PWWP2A: variants seen among roughly 807,000 people sequenced by gnomAD.
PWWP2A encodes the protein PWWP domain containing 2A, also known as PWWP domain-containing protein 2A.
PWWP2A carries 18 observed loss-of-function variants against 48.5 expected under a neutral mutation model. The observed-to-expected ratio is 0.37, with a 90% CI of 0.26 to 0.55. PWWP2A has a LOEUF of 0.55. Ranked by LOEUF, PWWP2A falls within the 20% of genes least tolerant of loss-of-function variation. The pLI is 0.81. For synonymous variants in PWWP2A, 396 were observed against 387.7 expected, an observed-to-expected ratio of 1.02 and a Z score of -0.25; for missense variants, 867 against 976.4, an observed-to-expected ratio of 0.89 and a Z score of 1.49.
At chr5:160,107,382 T>TTAATCTTCATTTA (rs1314624924) in intron 1 of PWWP2A, among the ~76,000 whole-genome samples, 2 of 152,188 alleles carry the variant, frequency 1.3e-5, no homozygotes, top group African/African-American at 2.4e-5. Context: ...AATCTCCAAT[T>TTAATCTTCATTTA]ACTTTCTTGC....
At chr5:160,090,080 T>A, downstream of PWWP2A, 4 of 985,292 alleles carry the variant, frequency 4.1e-6, no homozygotes, top group Non-Finnish European at 3.6e-6. Flanking sequence ...AACGAAGGGG[T>A]CATTTGGCAT....
At chr5:160,090,389 T>C (rs1360478559), downstream of PWWP2A, 33 of 983,324 alleles carry the variant, frequency 3.4e-5, no homozygotes, top group Middle Eastern at 5.2e-4. Flanking sequence ...AAACACCTGA[T>C]TGAACAAGTT....
At chr5:160,073,991 G>A (rs190501873), downstream of PWWP2A, among the ~76,000 whole-genome samples, 221 of 151,952 alleles carry the variant, frequency 1.5e-3, 1 homozygote, top group Non-Finnish European at 1.5e-3. Context: ...CTTGAACCCA[G>A]GGGGCAGAGG....
At chr5:160,069,785 A>G (rs1414792966) in intron 2 of PWWP2A, among the ~76,000 whole-genome samples, 2 of 152,240 alleles carry the variant, frequency 1.3e-5, no homozygotes, top group African/African-American at 4.8e-5. Context: ...ACGGCCATGT[A>G]GAATGAACAT....
intron 1 of PWWP2A, chr5:160,108,651 T>G: frequency 8.5e-7 from 1 of 1,173,612 alleles, no homozygotes; most frequent in African/African-American, 1.6e-5. Flanking sequence ...GGTTTATATT[T>G]CCTCAAAAAA....
At chr5:160,074,064 C>T (rs968726724), downstream of PWWP2A, among the ~76,000 whole-genome samples, 1 of 71,628 alleles carries the variant, frequency 1.4e-5, no homozygotes, top group Admixed American at 1.6e-4. Context: ...GACTCCGTTT[C>T]AAAAAAAAAA....
At chr5:160,046,811 A>G in the PWWP2A span, among the ~76,000 whole-genome samples, 2 of 152,198 alleles carry the variant, frequency 1.3e-5, no homozygotes, top group South Asian at 2.1e-4. Context: ...CAGGAGTTTG[A>G]GACCAGCCTG....
At chr5:160,113,652 G>T (rs1372968503) in intron 1 of PWWP2A, among the ~76,000 whole-genome samples, 1 of 152,186 alleles carries the variant, frequency 6.6e-6, no homozygotes, top group Non-Finnish European at 1.5e-5. Context: ...GTATTCCCCG[G>T]TATTCAGCTA....
the PWWP2A span, among the ~76,000 whole-genome samples, chr5:160,047,671 G>C: frequency 1.3e-4 from 19 of 151,998 alleles, no homozygotes; most frequent in African/African-American, 4.6e-4. Flanking sequence ...CCTTTCCCTG[G>C]CCAGGAAGGT....
rs556171310 is a variant in PWWP2A at position 160,093,522 on chromosome 5, T to C, written c.1128A>G (p.Gln376=). The C allele has an allele frequency of 1.6e-5, 26 of 1,613,872 alleles. No homozygotes were observed. The highest frequency in any genetic ancestry group is 1.9e-5 in the Non-Finnish European group (23 of 1,179,886). The change falls in exon 2 of 2, where the codon CAA becomes CAG. Residue 376 remains glutamine (Q), a synonymous_variant. Coordinates refer to ENST00000307063, the MANE Select transcript of PWWP2A (RefSeq NM_001130864.2). This position sits in a 1 kb window ranked among gnomAD's most constrained non-coding sequence, Gnocchi z 5.8. The part of the protein sequence containing the change: ...KTDHKVDGKN[Q]NESQKRNAVV... Reference sequence around the variant, plus strand: ...CAGCATTTCTTTTCTGGCTTTCATTTTGGTTTTTCCCATCCACTTTATGGT... The same window carrying C: ...CAGCATTTCTTTTCTGGCTTTCATTCTGGTTTTTCCCATCCACTTTATGGT...
chr5:160,102,480 T>G (rs1482363785), intron 1 of PWWP2A, among the ~76,000 whole-genome samples: 1 of 151,296 alleles, frequency 6.6e-6, no homozygotes, highest in Non-Finnish European at 1.5e-5. Flanking sequence ...GCTGATCACT[T>G]GAGGCCAGGA....
chr5:160,106,734 A>G (rs988179695), intron 1 of PWWP2A, among the ~76,000 whole-genome samples: 18 of 151,278 alleles, frequency 1.2e-4, no homozygotes, highest in African/African-American at 4.4e-4. Flanking sequence ...TACAATAAGG[A>G]TTTAGATCAG....
downstream of PWWP2A, among the ~76,000 whole-genome samples, chr5:160,089,324 A>T (rs780214520): frequency 4.3e-4 from 66 of 152,180 alleles, no homozygotes; most frequent in Admixed American, 2.1e-3. Context: ...GCTAGGATAC[A>T]GGCGAATAGC....
chr5:160,065,048 C>G, intron 4 of PWWP2A: 1 of 1,611,510 alleles, frequency 6.2e-7, no homozygotes, highest in Non-Finnish European at 8.5e-7. Flanking sequence ...CGTTCAAAAT[C>G]CAAATAATAA....
intron 2 of PWWP2A, among the ~76,000 whole-genome samples, chr5:160,085,457 G>A (rs938176658): frequency 1.3e-5 from 2 of 151,220 alleles, no homozygotes; most frequent in Non-Finnish European, 2.9e-5. Flanking sequence ...ATGGTTTCTG[G>A]TTAAGACTCA....
At chr5:160,111,890 TACAC>T (rs1342822215) in intron 1 of PWWP2A, among the ~76,000 whole-genome samples, 3 of 151,928 alleles carry the variant, frequency 2.0e-5, no homozygotes, top group African/African-American at 7.2e-5. Flanking sequence ...TGCTGTGGCT[TACAC>T]CTGTAATCCC....
chr5:160,073,628 A>ACTC (rs544157672), downstream of PWWP2A, among the ~76,000 whole-genome samples: 215 of 152,154 alleles, frequency 1.4e-3, 2 homozygotes, highest in African/African-American at 4.9e-3. Context: ...CCCTGAAAGT[A>ACTC]CTCTTAACGC....
intron 1 of PWWP2A, 74 bp downstream of exon 1, chr5:160,118,731 A>G: frequency 7.6e-7 from 1 of 1,309,346 alleles, no homozygotes; most frequent in Non-Finnish European, 9.9e-7. Context: ...GGGCTCGGGG[A>G]GAGGGGGCCG....
downstream of PWWP2A, among the ~76,000 whole-genome samples, chr5:160,072,616 G>C (rs1214111861): frequency 2.0e-5 from 3 of 152,190 alleles, no homozygotes; most frequent in Admixed American, 2.0e-4. Context: ...TGTAGTCCCA[G>C]CTACTCAGGA....
Sources: allele counts gnomAD v4.1 joint callset (sites outside exome capture counted in the v4.1 genomes callset), GRCh38; gene constraint gnomAD v4.1.1; non-coding constraint Gnocchi (gnomAD v3.1); transcripts MANE v1.5; gene names NCBI Gene and HGNC (gene_info 2026-07-23, HGNC 2026-07-21).